EPHB1: variants seen among roughly 807,000 people sequenced by gnomAD.
EPHB1 encodes EPH receptor B1, also known as ephrin type-B receptor 1.
A neutral mutation model predicts 94.4 loss-of-function variants in EPHB1; 30 were observed. The ratio of observed to expected loss-of-function variants is 0.32; its 90% CI spans 0.24 to 0.43. The LOEUF is 0.43. Among genes scored for constraint, EPHB1 ranks in the 20% least tolerant of loss-of-function variants. EPHB1 has a pLI of 1.00. For missense variants in EPHB1, 1,055 were observed against 1,308.3 expected, an observed-to-expected ratio of 0.81 and a Z score of 2.99; for synonymous variants, 522 against 489.1, an observed-to-expected ratio of 1.07 and a Z score of -0.89.
At chr3:134,960,512 A>G (rs900198687) in intron 3 of EPHB1, among the ~76,000 whole-genome samples, 1 of 152,172 alleles carries the variant, frequency 6.6e-6, no homozygotes, top group African/African-American at 2.4e-5. Flanking sequence ...CCAGAAGAGT[A>G]TGGCTGGGTA....
chr3:135,106,683 A>C, intron 4 of EPHB1, 80 bp downstream of exon 4: 1 of 1,551,366 alleles, frequency 6.4e-7, no homozygotes, highest in Non-Finnish European at 8.8e-7. Flanking sequence ...CAAGGAAGAG[A>C]AGACATCATC....
chr3:135,251,283 T>C (rs1362985855), intron 15 of EPHB1, among the ~76,000 whole-genome samples: 1 of 152,184 alleles, frequency 6.6e-6, no homozygotes, highest in Non-Finnish European at 1.5e-5. Context: ...AGCTTCCTCA[T>C]CTTTTAGAGT....
chr3:135,232,977 T>C (rs1210803801), intron 12 of EPHB1, among the ~76,000 whole-genome samples: 2 of 152,226 alleles, frequency 1.3e-5, no homozygotes, highest in Non-Finnish European at 2.9e-5. Context: ...ACTGGGTCTC[T>C]ATTACAACAC....
intron 1 of EPHB1, among the ~76,000 whole-genome samples, chr3:134,916,755 CGGCA>C (rs2038581184): frequency 7.9e-6 from 1 of 126,376 alleles, no homozygotes; most frequent in East Asian, 2.8e-4. Context: ...CCACACCTCC[CGGCA>C]AGCCAAGGGA....
intron 1 of EPHB1, among the ~76,000 whole-genome samples, chr3:134,843,999 T>C (rs2036823840): frequency 6.6e-6 from 1 of 152,234 alleles, no homozygotes; most frequent in Non-Finnish European, 1.5e-5. Flanking sequence ...TTTTAGATAA[T>C]GTATTATAGC....
At chr3:135,200,842 C>T (rs909563483) in intron 11 of EPHB1, among the ~76,000 whole-genome samples, 7 of 151,978 alleles carry the variant, frequency 4.6e-5, no homozygotes, top group South Asian at 2.1e-4. Flanking sequence ...GACATTTAAG[C>T]GGAGAACTGA....
At chr3:135,199,703 A>G (rs1216010082) in intron 11 of EPHB1, among the ~76,000 whole-genome samples, 1 of 152,192 alleles carries the variant, frequency 6.6e-6, no homozygotes, top group Non-Finnish European at 1.5e-5. Context: ...AAGGAGCATA[A>G]CCCCCAGAAC....
At chr3:134,907,622 G>A (rs942674745) in intron 1 of EPHB1, among the ~76,000 whole-genome samples, 6 of 152,036 alleles carry the variant, frequency 3.9e-5, no homozygotes, top group African/African-American at 1.4e-4. Context: ...ACTGCCTCCC[G>A]TGAAGTGGAA....
At chr3:135,199,952 T>A (rs2107712485) in intron 11 of EPHB1, among the ~76,000 whole-genome samples, 1 of 152,342 alleles carries the variant, frequency 6.6e-6, no homozygotes, top group East Asian at 1.9e-4. Flanking sequence ...CTCCTCTCAT[T>A]GTCTATGCTT....
At chr3:135,232,308 A>G (rs1943550865) in intron 12 of EPHB1, among the ~76,000 whole-genome samples, 2 of 152,244 alleles carry the variant, frequency 1.3e-5, no homozygotes, top group Admixed American at 1.3e-4. Flanking sequence ...CTCACTTTAG[A>G]GCAGTGCAGT....
At chr3:134,915,779 T>C (rs1234739973) in intron 1 of EPHB1, among the ~76,000 whole-genome samples, 1 of 152,006 alleles carries the variant, frequency 6.6e-6, no homozygotes, top group Non-Finnish European at 1.5e-5. Context: ...AATGGCTTCA[T>C]GAGTGAAGCT....
intron 1 of EPHB1, among the ~76,000 whole-genome samples, chr3:134,903,841 G>A (rs1462452367): frequency 6.6e-6 from 1 of 152,130 alleles, no homozygotes; most frequent in Non-Finnish European, 1.5e-5. Context: ...TGCTAATTCT[G>A]GGTCCCAGTG....
chr3:134,823,676 T>C (rs965105896), intron 1 of EPHB1, among the ~76,000 whole-genome samples: 7 of 152,348 alleles, frequency 4.6e-5, no homozygotes, highest in African/African-American at 1.4e-4. Flanking sequence ...CAATTAGCCA[T>C]GCAGATCTCA....
At chr3:135,053,320 C>G (rs1559811273) in intron 3 of EPHB1, among the ~76,000 whole-genome samples, 1 of 151,764 alleles carries the variant, frequency 6.6e-6, no homozygotes, top group South Asian at 2.1e-4. Context: ...ATGTAACATA[C>G]TATATATTAT....
intron 3 of EPHB1, among the ~76,000 whole-genome samples, chr3:135,040,989 A>G (rs1936816266): frequency 6.6e-6 from 1 of 152,106 alleles, no homozygotes; most frequent in South Asian, 2.1e-4. Flanking sequence ...GCCCCTTAGG[A>G]TAAGGCTCAG....
intron 3 of EPHB1, among the ~76,000 whole-genome samples, chr3:134,986,668 A>G (rs971680552): frequency 4.6e-5 from 7 of 151,708 alleles, no homozygotes; most frequent in Non-Finnish European, 7.4e-5. Context: ...AATGTTCTCT[A>G]AAATGTCAGG....
intron 12 of EPHB1, among the ~76,000 whole-genome samples, chr3:135,219,034 C>G (rs908278177): frequency 1.3e-5 from 2 of 152,126 alleles, no homozygotes; most frequent in African/African-American, 4.8e-5. Context: ...GGAGCCTGAG[C>G]TCAAGCACAG....
intron 12 of EPHB1, among the ~76,000 whole-genome samples, chr3:135,240,869 C>T (rs1283937635): frequency 1.3e-5 from 2 of 152,022 alleles, no homozygotes; most frequent in African/African-American, 4.8e-5. Flanking sequence ...CTCCCACCCA[C>T]CTCCCCTGCA....
At chr3:134,952,912 T>C (rs1397343777) in intron 3 of EPHB1, among the ~76,000 whole-genome samples, 2 of 152,076 alleles carry the variant, frequency 1.3e-5, no homozygotes, top group Non-Finnish European at 2.9e-5. Context: ...GCATGGAAGC[T>C]GAACGTGGGG....
Sources: gnomAD v4.1 joint callset for allele counts (sites outside exome capture counted in the v4.1 genomes callset) on GRCh38, gnomAD v4.1.1 for gene constraint, MANE v1.5 for transcripts, NCBI Gene and HGNC (gene_info 2026-07-23, HGNC 2026-07-21) for gene names.